The following PRTG variants were observed in gnomAD, a reference collection of about 807,000 sequenced individuals.
PRTG encodes protogenin.
PRTG carries 67 observed loss-of-function variants against 122.5 expected under a neutral mutation model. The ratio of observed to expected loss-of-function variants is 0.55; its 90% CI spans 0.45 to 0.67. The LOEUF is 0.67. Among genes scored for constraint, PRTG ranks in the 30% least tolerant of loss-of-function variants. PRTG has a pLI of 0.00. For missense variants in PRTG, 1,435 were observed against 1,415.4 expected, an observed-to-expected ratio of 1.01 and a Z score of -0.22; for synonymous variants, 554 against 501.1, an observed-to-expected ratio of 1.11 and a Z score of -1.41.
At chr15:55,699,243 C>G (rs2059648852) in intron 2 of PRTG, among the ~76,000 whole-genome samples, 1 of 152,146 alleles carries the variant, frequency 6.6e-6, no homozygotes, top group Non-Finnish European at 1.5e-5. Context: ...AAAGCTTGGG[C>G]TTAACTGTTA....
At chr15:55,730,756 C>T (rs1413205132) in intron 2 of PRTG, among the ~76,000 whole-genome samples, 3 of 152,194 alleles carry the variant, frequency 2.0e-5, no homozygotes, top group South Asian at 2.1e-4. Flanking sequence ...GCCGAGATGG[C>T]GCCACTGCAC....
intron 1 of PRTG, among the ~76,000 whole-genome samples, chr15:55,741,624 T>G (rs1335422062): frequency 2.6e-5 from 4 of 151,336 alleles, no homozygotes; most frequent in Admixed American, 6.6e-5. Context: ...TGATTGGGGG[T>G]GAATGGAGAA....
chr15:55,720,202 A>C (rs771195117), intron 2 of PRTG, among the ~76,000 whole-genome samples: 5 of 152,070 alleles, frequency 3.3e-5, no homozygotes, highest in Non-Finnish European at 7.4e-5. Context: ...AACATGGTGA[A>C]ACCTCGTCTC....
intron 11 of PRTG, chr15:55,655,772 A>G (rs972998677): frequency 6.6e-6 from 1 of 152,216 alleles, no homozygotes; most frequent in Admixed American, 6.5e-5. Context: ...AAATATCCCC[A>G]CATTCCTAGA....
chr15:55,649,590 GC>G (rs1307552022), intron 11 of PRTG, among the ~76,000 whole-genome samples: 1 of 152,038 alleles, frequency 6.6e-6, no homozygotes, highest in South Asian at 2.1e-4. Flanking sequence ...TTAGAGACCA[GC>G]CTAGCTAACA....
chr15:55,670,669 G>A (rs2059464388), intron 11 of PRTG, among the ~76,000 whole-genome samples: 1 of 152,062 alleles, frequency 6.6e-6, no homozygotes. Context: ...GGGAGGCTGA[G>A]ATGGGCGGAT....
In PRTG at chr15:55,616,926, G is replaced by A. The variant is rs577832179; in HGVS notation, c.*3086C>T. ...AACCTATACATCTTAATGGTCTTTG[G>A]TATGAAAATACTGATGAGCAGTATC... On this transcript the variant is annotated 3_prime_UTR_variant, in exon 20 of 20. Transcript: ENST00000389286. The A allele has an allele frequency of 6.6e-6, 1 of 151,924 alleles. No individual in the cohort carries two copies. The highest frequency in any genetic ancestry group is 6.6e-5 in the Admixed American group (1 of 15,256). 9.4% of individuals were successfully genotyped at this position (151,924 alleles called of 1,614,324 possible).
chr15:55,677,033 G>A (rs948714384), intron 8 of PRTG, among the ~76,000 whole-genome samples: 2 of 152,108 alleles, frequency 1.3e-5, no homozygotes, highest in African/African-American at 4.8e-5. Context: ...ATAAAAGCTA[G>A]GCTGTTGAAG....
intron 11 of PRTG, among the ~76,000 whole-genome samples, chr15:55,651,431 C>G (rs1240435695): frequency 2.0e-5 from 3 of 152,136 alleles, no homozygotes; most frequent in Non-Finnish European, 4.4e-5. Flanking sequence ...TACTCTTACA[C>G]TTCAAGACCC....
chr15:55,622,541 GA>G (rs1215565819), intron 18 of PRTG, among the ~76,000 whole-genome samples: 2 of 124,628 alleles, frequency 1.6e-5, no homozygotes, highest in Non-Finnish European at 3.4e-5. Flanking sequence ...CTACTACCAT[GA>G]CCGGCTAATT....
intron 2 of PRTG, among the ~76,000 whole-genome samples, chr15:55,692,725 T>C (rs1362389768): frequency 6.6e-6 from 1 of 151,706 alleles, no homozygotes; most frequent in African/African-American, 2.4e-5. Context: ...TTTTCACTAA[T>C]GGCTCATACG....
In PRTG at chr15:55,639,777, G is replaced by A. The variant is rs1237848846; in HGVS notation, c.2189C>T (p.Ala730Val). Reference protein sequence around the residue: ...PPPPPPHHLYAKANTSSSIFL... With the variant: ...PPPPPPHHLYVKANTSSSIFL... ...GATGGAAGATGAGGTGTTAGCCTTC[G>A]CATAGAGATGGTGGGGTGGTGGTGG... The change falls in exon 13 of 20, where the codon GCG becomes GTG. Residue 730 changes from alanine to valine, a missense_variant. Ala to Val is a moderately conservative substitution (Grantham distance 64). Transcript: ENST00000389286. 1.2e-5 allele frequency: 20 copies of A among 1,614,038 alleles called. No individual in the cohort carries two copies. The highest frequency in any genetic ancestry group is 1.7e-5 in the Admixed American group (1 of 60,006).
At position 55,742,946 on chromosome 15, in the gene PRTG, C is replaced by T. The variant is rs2031665392; in HGVS notation, c.-15G>A. 11 of 1,501,758 alleles carry T rather than the reference C, an allele frequency of 7.3e-6. No individual in the cohort carries two copies. The highest frequency in any genetic ancestry group is 1.3e-5 in the South Asian group (1 of 79,864). 93.0% of individuals were successfully genotyped at this position (1,501,758 alleles called of 1,614,324 possible). A position where few individuals can be genotyped will look rare whatever the true frequency, so the allele number is the denominator to read the frequency against. On this transcript the variant is annotated 5_prime_UTR_variant, in exon 1 of 20. Transcript: ENST00000389286. Reference sequence around the variant, plus strand: ...GGAGGCGCCATTCAGCGTAGCCGCGCGGGCATGCTCCCCGGCCGCCCAGAG... The same window carrying T: ...GGAGGCGCCATTCAGCGTAGCCGCGTGGGCATGCTCCCCGGCCGCCCAGAG...
chr15:55,686,452 C>A lies in PRTG; in HGVS notation c.398-2521G>T, dbSNP rs541013646. ...AGCTCCCCCAGCCTGTCCACTTTAA[C>A]AATTTCTTCTTCCACGACCCCACAA... On this transcript the variant is annotated intron_variant, in intron 2 of 19. Coordinates refer to ENST00000389286, the MANE Select transcript of PRTG (RefSeq NM_173814.6). 8.5e-5 allele frequency among the ~76,000 whole-genome samples: 13 copies of A among 152,264 alleles called. No individual in the cohort carries two copies. The East Asian group carries it at 2.1e-3, about 25-fold the overall frequency.
At chr15:55,652,012 C>T (rs772329897) in intron 11 of PRTG, among the ~76,000 whole-genome samples, 4 of 152,128 alleles carry the variant, frequency 2.6e-5, no homozygotes, top group Non-Finnish European at 5.9e-5. Context: ...TGCCACTTTT[C>T]AATTTACACA....
intron 2 of PRTG, among the ~76,000 whole-genome samples, chr15:55,737,982 C>CAG (rs2031468128): frequency 1.8e-5 from 1 of 56,664 alleles, no homozygotes; most frequent in African/African-American, 5.7e-5. Context: ...CCTATTCTCT[C>CAG]TCTCTCTCTC....
intron 2 of PRTG, among the ~76,000 whole-genome samples, chr15:55,735,532 A>T (rs950352625): frequency 1.3e-5 from 2 of 152,202 alleles, no homozygotes; most frequent in South Asian, 4.2e-4. Flanking sequence ...CCCAGAGCAA[A>T]CGACCACTGA....
intron 2 of PRTG, among the ~76,000 whole-genome samples, chr15:55,725,078 A>C (rs1238552099): frequency 6.6e-6 from 1 of 152,202 alleles, no homozygotes; most frequent in Non-Finnish European, 1.5e-5. Context: ...ACATAATTTA[A>C]AAGACAAATG....
At chr15:55,691,928 T>G (rs1264418078) in intron 2 of PRTG, among the ~76,000 whole-genome samples, 2 of 151,954 alleles carry the variant, frequency 1.3e-5, no homozygotes, top group African/African-American at 4.8e-5. Context: ...TCCCAGCTAC[T>G]CAGGCAGCTG....
Sources: gnomAD v4.1 joint callset for allele counts (sites outside exome capture counted in the v4.1 genomes callset) on GRCh38, gnomAD v4.1.1 for gene constraint, MANE v1.5 for transcripts, NCBI Gene and HGNC (gene_info 2026-07-23, HGNC 2026-07-21) for gene names.